Variants in ASCC3 observed in about 807,000 individuals in gnomAD.
The protein encoded by ASCC3 is ASC-1 complex subunit P200.
ASCC3 carries 158 observed loss-of-function variants against 256.3 expected under a neutral mutation model. The observed-to-expected ratio is 0.62, with a 90% CI of 0.54 to 0.70. The LOEUF is 0.70. Among genes scored for constraint, ASCC3 ranks in the 30% least tolerant of loss-of-function variants. The probability of loss-of-function intolerance (pLI) is 0.00; values close to 1 mark genes in which losing one functional copy is unlikely to be tolerated. For synonymous variants in ASCC3, 948 were observed against 883.4 expected, an observed-to-expected ratio of 1.07 and a Z score of -1.30; for missense variants, 2,259 against 2,626.0, an observed-to-expected ratio of 0.86 and a Z score of 3.05.
At chr6:100,806,708 T>C (rs889812258) in intron 4 of ASCC3, among the ~76,000 whole-genome samples, 4 of 151,966 alleles carry the variant, frequency 2.6e-5, no homozygotes, top group African/African-American at 9.7e-5. Context: ...ACTTTGTGTA[T>C]ATGGACATTA....
At chr6:100,712,434 C>T (rs1260697546) in intron 13 of ASCC3, among the ~76,000 whole-genome samples, 1 of 151,912 alleles carries the variant, frequency 6.6e-6, no homozygotes, top group African/African-American at 2.4e-5. Context: ...GAAAATGAAC[C>T]ACCTGGTTAA....
At chr6:100,735,680 C>A (rs1034766949) in intron 10 of ASCC3, among the ~76,000 whole-genome samples, 1 of 152,076 alleles carries the variant, frequency 6.6e-6, no homozygotes. Context: ...AAGGCACAGA[C>A]ACAAATGAAC....
chr6:100,864,715 C>A (rs1773398690), intron 2 of ASCC3, among the ~76,000 whole-genome samples: 1 of 152,122 alleles, frequency 6.6e-6, no homozygotes, highest in Non-Finnish European at 1.5e-5. Flanking sequence ...TGATCCTAGA[C>A]CAGGTGAGGC....
chr6:100,635,069 G>A (rs2114875631), intron 25 of ASCC3, among the ~76,000 whole-genome samples: 1 of 152,064 alleles, frequency 6.6e-6, no homozygotes, highest in South Asian at 2.1e-4. Context: ...CAAAGGAAAT[G>A]AGATCAGTAT....
At chr6:100,646,067 G>C (rs1448951638) in intron 22 of ASCC3, among the ~76,000 whole-genome samples, 1 of 152,002 alleles carries the variant, frequency 6.6e-6, no homozygotes, top group Non-Finnish European at 1.5e-5. Context: ...GAAAAATCTT[G>C]AATTTTTTGG....
chr6:100,690,588 A>G lies in ASCC3; in HGVS notation c.2152-10836T>C, dbSNP rs548319170. 3.9e-5 allele frequency among the ~76,000 whole-genome samples: 6 copies of G among 152,262 alleles called. No individual in the cohort carries two copies. In the East Asian group the frequency reaches 9.6e-4, roughly 24 times the overall value. The stretch of plus-strand genomic sequence containing the variant: ...TTATTATTAGATATTCCTGGCAACC[A>G]ATCAAATTACTAAAGCACAAGAAGA... On this transcript the variant is annotated intron_variant, in intron 13 of 41. Coordinates refer to ENST00000369162, the MANE Select transcript of ASCC3 (RefSeq NM_006828.4).
At chr6:100,687,298 A>C (rs998410292) in intron 13 of ASCC3, among the ~76,000 whole-genome samples, 3 of 152,160 alleles carry the variant, frequency 2.0e-5, no homozygotes, top group Non-Finnish European at 4.4e-5. Flanking sequence ...AATTAAAAAA[A>C]CAATTTTTTC....
At chr6:100,530,956 G>A (rs1015981539) in intron 37 of ASCC3, 1 of 1,483,254 alleles carries the variant, frequency 6.7e-7, no homozygotes, top group Non-Finnish European at 9.4e-7. Flanking sequence ...CAAATCACGT[G>A]TCTAATTATG....
intron 24 of ASCC3, among the ~76,000 whole-genome samples, chr6:100,641,634 T>C (rs2114890448): frequency 6.6e-6 from 1 of 152,264 alleles, no homozygotes; most frequent in East Asian, 1.9e-4. Context: ...GAACTAGAAA[T>C]ACCATTTGAC....
chr6:100,798,947 A>G (rs9498392), intron 7 of ASCC3, 109 bp from the exon 8 acceptor site: 38,491 of 1,016,732 alleles, frequency 0.038, 3,211 homozygotes, highest in East Asian at 0.32. Flanking sequence ...ATAACAAAGC[A>G]CTGGTAAATA....
chr6:100,816,299 C>T (rs1413491215), intron 4 of ASCC3, among the ~76,000 whole-genome samples: 1 of 152,112 alleles, frequency 6.6e-6, no homozygotes, highest in Non-Finnish European at 1.5e-5. Context: ...CACACTTATA[C>T]ACTGCTGGTG....
In ASCC3 at chr6:100,537,474, G is replaced by A. The variant is rs1352704722; in HGVS notation, c.5775+2689C>T. Among the ~76,000 whole-genome samples the A allele has an allele frequency of 3.3e-5, 5 of 152,208 alleles. No individual in the cohort carries two copies. In the East Asian group the frequency reaches 9.6e-4, roughly 29 times the overall value. Reference sequence around the variant, plus strand: ...CAGAGAGAGAAAGGGCAATTATTGGGATAAAATTCATACTGACAAAATTTG... The same window carrying A: ...CAGAGAGAGAAAGGGCAATTATTGGAATAAAATTCATACTGACAAAATTTG... On this transcript the variant is annotated intron_variant, in intron 37 of 41. Coordinates refer to ENST00000369162, the MANE Select transcript of ASCC3 (RefSeq NM_006828.4).
chr6:100,831,123 G>C (rs777970759), intron 4 of ASCC3, among the ~76,000 whole-genome samples: 5 of 151,846 alleles, frequency 3.3e-5, no homozygotes, highest in Non-Finnish European at 7.4e-5. Flanking sequence ...ACAAAAATGT[G>C]ATCTTATAAA....
chr6:100,782,563 A>G (rs1782500046), intron 8 of ASCC3, among the ~76,000 whole-genome samples: 1 of 152,158 alleles, frequency 6.6e-6, no homozygotes, highest in Admixed American at 6.5e-5. Flanking sequence ...ATGTATCCAA[A>G]AATATACTTA....
intron 8 of ASCC3, among the ~76,000 whole-genome samples, chr6:100,773,299 A>G (rs760277291): frequency 6.6e-6 from 1 of 152,164 alleles, no homozygotes; most frequent in Non-Finnish European, 1.5e-5. Flanking sequence ...GGTTTCCTAA[A>G]ATAGTGCTAT....
At chr6:100,797,539 AATG>A (rs1158277232) in intron 8 of ASCC3, among the ~76,000 whole-genome samples, 1 of 139,792 alleles carries the variant, frequency 7.2e-6, no homozygotes, top group Non-Finnish European at 1.6e-5. Context: ...AATAAATCTT[AATG>A]ATGATATTGC....
At chr6:100,753,753 A>G (rs1026651852) in intron 10 of ASCC3, among the ~76,000 whole-genome samples, 3 of 152,136 alleles carry the variant, frequency 2.0e-5, no homozygotes, top group Non-Finnish European at 2.9e-5. Context: ...TGAAACAAGC[A>G]ATCTTATCTG....
chr6:100,522,350 A>AT (rs1774355729), intron 37 of ASCC3, among the ~76,000 whole-genome samples: 1 of 152,156 alleles, frequency 6.6e-6, no homozygotes, highest in Non-Finnish European at 1.5e-5. Flanking sequence ...AAATTATACT[A>AT]TAACTAAAAC....
At chr6:100,725,078 A>G (rs1253163416) in intron 11 of ASCC3, among the ~76,000 whole-genome samples, 1 of 152,040 alleles carries the variant, frequency 6.6e-6, no homozygotes, top group African/African-American at 2.4e-5. Context: ...AAGATAAGTG[A>G]TTAGTCATGG....
Sources: allele counts gnomAD v4.1 joint callset (sites outside exome capture counted in the v4.1 genomes callset), GRCh38; gene constraint gnomAD v4.1.1; transcripts MANE v1.5; gene names NCBI Gene and HGNC (gene_info 2026-07-23, HGNC 2026-07-21).